Variants in ATRN observed in about 807,000 individuals in gnomAD.
ATRN encodes attractin.
In ATRN, 54 loss-of-function variants were observed where a neutral mutation model predicts 178.7. The observed-to-expected ratio is 0.30, with a 90% CI of 0.24 to 0.38. The LOEUF (loss-of-function observed/expected upper bound fraction) is 0.38, where lower values mean the gene tolerates loss of function less well. ATRN is among the 10% of genes least tolerant of loss of function. ATRN has a pLI of 1.00. For synonymous variants in ATRN, 636 were observed against 663.0 expected, an observed-to-expected ratio of 0.96 and a Z score of 0.63; for missense variants, 1,443 against 1,815.1, an observed-to-expected ratio of 0.79 and a Z score of 3.73.
At chr20:3,538,366 G>A (rs1202149673) in intron 2 of ATRN, among the ~76,000 whole-genome samples, 3 of 152,140 alleles carry the variant, frequency 2.0e-5, no homozygotes, top group Admixed American at 2.0e-4. Context: ...ATTAGTAAAT[G>A]CCAGCATGGT....
intron 24 of ATRN, among the ~76,000 whole-genome samples, chr20:3,605,623 G>A (rs1429258665): frequency 1.3e-5 from 2 of 152,192 alleles, no homozygotes; most frequent in African/African-American, 4.8e-5. Context: ...GATGGAGCTG[G>A]AGGCCATTAT....
intron 1 of ATRN, among the ~76,000 whole-genome samples, chr20:3,526,373 A>C (rs1477647703): frequency 2.6e-5 from 4 of 152,196 alleles, no homozygotes; most frequent in African/African-American, 9.7e-5. Context: ...ATACCTAGGA[A>C]TCCAACTTAC....
At chr20:3,552,503 T>C (rs148531113) in intron 6 of ATRN, among the ~76,000 whole-genome samples, 68 of 152,382 alleles carry the variant, frequency 4.5e-4, no homozygotes, top group African/African-American at 1.5e-3. Context: ...CTGTGACTTC[T>C]TGTTTCTTCA....
At chr20:3,526,750 G>C (rs2085371013) in intron 1 of ATRN, among the ~76,000 whole-genome samples, 2 of 152,104 alleles carry the variant, frequency 1.3e-5, no homozygotes, top group Non-Finnish European at 2.9e-5. Flanking sequence ...CAATGGAACA[G>C]AACAGAGGCC....
intron 26 of ATRN, among the ~76,000 whole-genome samples, chr20:3,636,103 G>A (rs970166874): frequency 6.6e-6 from 1 of 152,168 alleles, no homozygotes; most frequent in Admixed American, 6.5e-5. Flanking sequence ...ATGATAGCCT[G>A]TTCCTCCCTG....
chr20:3,487,941 G>A (rs117104988), intron 1 of ATRN, among the ~76,000 whole-genome samples: 3 of 152,138 alleles, frequency 2.0e-5, no homozygotes, highest in Middle Eastern at 3.4e-3. Context: ...AAGGGCTCTC[G>A]GTTCCAATTC....
intron 1 of ATRN, among the ~76,000 whole-genome samples, chr20:3,514,226 G>T (rs2085176203): frequency 6.6e-6 from 1 of 152,128 alleles, no homozygotes; most frequent in Admixed American, 6.5e-5. Context: ...CAAATTTCTA[G>T]AAAAACCAAC....
intron 1 of ATRN, among the ~76,000 whole-genome samples, chr20:3,489,112 C>T (rs1407907242): frequency 6.6e-6 from 1 of 152,152 alleles, no homozygotes; most frequent in Non-Finnish European, 1.5e-5. Context: ...GGTTGTGCGC[C>T]ACCATGCCAG....
rs369498340 is a variant in ATRN, at chr20:3,565,357, G to A, written c.1796G>A (p.Arg599His). Residue 599 changes from arginine to histidine, a missense_variant, in exon 11 of 29, where the codon CGC (arginine) becomes CAC (histidine). This residue lies in a region of ATRN where 862 missense variants were observed against 972.1 expected (regional missense o/e 0.89). Coordinates refer to ENST00000262919, the MANE Select transcript of ATRN (RefSeq NM_139321.3). Reference sequence around the variant, plus strand: ...TTTTTCTTTCTCCTAGCCTGTGACCGCTGGTCAGTGCTTCCCAGACCTGAT... The same window carrying A: ...TTTTTCTTTCTCCTAGCCTGTGACCACTGGTCAGTGCTTCCCAGACCTGAT... ...DFMAYDIACD[R>H]WSVLPRPDLH... The A allele has an allele frequency of 6.8e-6, 11 of 1,613,384 alleles. No individual in the cohort carries two copies. Among genetic ancestry groups the A allele is most frequent in the African/African-American group, 4.0e-5 (3 of 74,982 alleles).
In ATRN at chr20:3,547,451, G is replaced by T. The variant is rs376268737; in HGVS notation, c.905G>T (p.Ser302Ile). 2 of 1,614,152 alleles carry T rather than the reference G, an allele frequency of 1.2e-6. No homozygotes were observed. Residue 302 changes from serine to isoleucine, a missense_variant, in exon 5 of 29, where the codon AGT (serine) becomes ATT (isoleucine). By Grantham distance (142) the Ser-to-Ile change is moderately radical. Transcript: ENST00000262919. Reference protein sequence around the residue: ...GFPHRGICNSSDVRGCSCFSD... With the variant: ...GFPHRGICNSIDVRGCSCFSD... ...CCTCATCGAGGCATCTGCAATTCAA[G>T]TGATGTCAGAGGATGCTCCTGCTTC...
At chr20:3,474,309 A>G (rs1366078535) in intron 1 of ATRN, among the ~76,000 whole-genome samples, 2 of 152,114 alleles carry the variant, frequency 1.3e-5, no homozygotes, top group African/African-American at 2.4e-5. Flanking sequence ...TCCTGGGTAG[A>G]CAATTATGAC....
chr20:3,496,626 T>G (rs1776775926), intron 1 of ATRN, among the ~76,000 whole-genome samples: 1 of 152,186 alleles, frequency 6.6e-6, no homozygotes, highest in South Asian at 2.1e-4. Context: ...AAAATGTATA[T>G]TCTGTTGATT....
intron 10 of ATRN, 90 bp from the exon 11 acceptor site, chr20:3,565,258 C>T: frequency 1.0e-6 from 1 of 959,594 alleles, no homozygotes; most frequent in Non-Finnish European, 1.6e-6. Flanking sequence ...ATGAGGTTCT[C>T]TTTGTTGTAG....
At chr20:3,496,977 T>C (rs1294048538) in intron 1 of ATRN, among the ~76,000 whole-genome samples, 1 of 151,834 alleles carries the variant, frequency 6.6e-6, no homozygotes, top group Non-Finnish European at 1.5e-5. Context: ...GAGACTAGGA[T>C]TGCAACCCCT....
At chr20:3,566,107 T>G (rs767440613) in intron 11 of ATRN, among the ~76,000 whole-genome samples, 1 of 152,118 alleles carries the variant, frequency 6.6e-6, no homozygotes, top group Non-Finnish European at 1.5e-5. Flanking sequence ...AAGTTCCTAG[T>G]AGTTGTATCT....
intron 1 of ATRN, among the ~76,000 whole-genome samples, chr20:3,532,132 A>G (rs2085461728): frequency 6.6e-6 from 1 of 152,082 alleles, no homozygotes. Context: ...TTCTGTCTCA[A>G]AAACAAAAAA....
chr20:3,646,966 C>A lies in ATRN; in HGVS notation c.*119C>A. 1 of 1,326,092 alleles carries A rather than the reference C, an allele frequency of 7.5e-7. No homozygotes were observed. Among genetic ancestry groups the A allele is most frequent in the Non-Finnish European group, 1.0e-6 (1 of 997,646 alleles). The allele number at this position is 1,326,092 out of a possible 1,614,324, so 82.1% of individuals were successfully genotyped here. ...TGCGGGACGGAAGACTGGAAACCCT[C>A]AAAGCATCTGACTCACCTGCATGAT... is the stretch of plus-strand genomic sequence containing the variant. On this transcript the variant is annotated 3_prime_UTR_variant, in exon 29 of 29. Coordinates refer to ENST00000262919, the MANE Select transcript of ATRN (RefSeq NM_139321.3).
chr20:3,604,086 C>A lies in ATRN; in HGVS notation c.3644-19C>A, dbSNP rs747548738. 1 of 1,561,004 alleles carries A rather than the reference C, an allele frequency of 6.4e-7. No homozygotes were observed. The highest frequency in any genetic ancestry group is 2.2e-5 in the East Asian group (1 of 44,490). On this transcript the variant is annotated intron_variant, in intron 23 of 28. Coordinates refer to ENST00000262919, the MANE Select transcript of ATRN (RefSeq NM_139321.3). ...CCCCCAAAAAATGTCTCTTCTCTTT[C>A]ATGTTTTTCTTTTAACAGCTGGAAC...
chr20:3,509,117 G>A (rs2085086850), intron 1 of ATRN, among the ~76,000 whole-genome samples: 1 of 152,146 alleles, frequency 6.6e-6, no homozygotes, highest in Non-Finnish European at 1.5e-5. Flanking sequence ...AAAACAAATA[G>A]CGAGACAGTA....
Sources: gnomAD v4.1 joint callset for allele counts (sites outside exome capture counted in the v4.1 genomes callset) on GRCh38, gnomAD v4.1.1 for gene constraint, gnomAD v4.1.1 regional missense constraint, MANE v1.5 for transcripts, NCBI Gene and HGNC (gene_info 2026-07-23, HGNC 2026-07-21) for gene names.